The following NUBPL variants were observed in gnomAD, a reference collection of about 807,000 sequenced individuals.
NUBPL encodes iron-sulfur cluster transfer protein NUBPL.
A neutral mutation model predicts 45.7 loss-of-function variants in NUBPL; 31 were observed. The observed-to-expected ratio is 0.68, with a 90% CI of 0.51 to 0.92. The LOEUF is 0.92. Among genes scored for constraint, NUBPL ranks in the 40% least tolerant of loss-of-function variants. The pLI is 0.00. For missense variants in NUBPL, 401 were observed against 398.7 expected (o/e 1.01, Z -0.05); for synonymous variants, 144 against 140.9 (o/e 1.02, Z -0.15).
chr14:31,576,217 A>G (rs749736276), intron 3 of NUBPL, among the ~76,000 whole-genome samples: 1 of 152,146 alleles, frequency 6.6e-6, no homozygotes, highest in Non-Finnish European at 1.5e-5. Flanking sequence ...AGGTGCTCTG[A>G]TTGGCATGGG....
chr14:31,808,556 A>G (rs552606311), intron 7 of NUBPL, among the ~76,000 whole-genome samples: 5 of 152,198 alleles, frequency 3.3e-5, no homozygotes, highest in African/African-American at 4.8e-5. Flanking sequence ...CAATCATGTC[A>G]TCTGCAAACA....
chr14:31,853,868 C>T (rs374540230), intron 10 of NUBPL, among the ~76,000 whole-genome samples: 53 of 152,238 alleles, frequency 3.5e-4, no homozygotes, highest in African/African-American at 1.1e-3. Context: ...ATAGCATCCC[C>T]GCATGCTGGT....
At chr14:31,726,744 G>A (rs1039535718) in intron 6 of NUBPL, among the ~76,000 whole-genome samples, 6 of 149,064 alleles carry the variant, frequency 4.0e-5, no homozygotes, top group African/African-American at 1.5e-4. Flanking sequence ...TCTGATTTTT[G>A]ATTGATGACT....
At chr14:31,567,704 A>G (rs1055404248) in intron 3 of NUBPL, among the ~76,000 whole-genome samples, 2 of 152,216 alleles carry the variant, frequency 1.3e-5, no homozygotes, top group Non-Finnish European at 2.9e-5. Context: ...ATTGAAATTA[A>G]TAAAAAGTGT....
chr14:31,670,977 A>G (rs1215922988), intron 4 of NUBPL, among the ~76,000 whole-genome samples: 1 of 152,144 alleles, frequency 6.6e-6, no homozygotes, highest in Non-Finnish European at 1.5e-5. Flanking sequence ...TTGCTTATGA[A>G]TTTTAAAATA....
intron 6 of NUBPL, among the ~76,000 whole-genome samples, chr14:31,783,010 A>G (rs896312144): frequency 5.3e-5 from 8 of 152,144 alleles, no homozygotes; most frequent in African/African-American, 1.9e-4. Flanking sequence ...TCACCAAACC[A>G]ATTGGGTCAG....
At chr14:31,711,155 G>A (rs1239373742) in intron 6 of NUBPL, among the ~76,000 whole-genome samples, 1 of 152,158 alleles carries the variant, frequency 6.6e-6, no homozygotes, top group African/African-American at 2.4e-5. Context: ...TGGCCACAGG[G>A]TCAACCAACT....
intron 8 of NUBPL, among the ~76,000 whole-genome samples, chr14:31,830,120 A>G (rs537369574): frequency 2.0e-5 from 3 of 152,180 alleles, no homozygotes; most frequent in Non-Finnish European, 4.4e-5. Flanking sequence ...ATTCCCTGCT[A>G]CTGAAAAGTA....
At chr14:31,754,953 G>T (rs550062294) in intron 6 of NUBPL, among the ~76,000 whole-genome samples, 2 of 148,242 alleles carry the variant, frequency 1.3e-5, no homozygotes, top group Non-Finnish European at 1.5e-5. Context: ...GCAGTGTTCG[G>T]TTTTTTGTCC....
At chr14:31,766,350 T>C (rs903265215) in intron 6 of NUBPL, among the ~76,000 whole-genome samples, 1 of 152,234 alleles carries the variant, frequency 6.6e-6, no homozygotes, top group African/African-American at 2.4e-5. Context: ...CATTTAATTA[T>C]GTGAAAAGCA....
chr14:31,684,232 A>G (rs2036902361), intron 6 of NUBPL, among the ~76,000 whole-genome samples: 1 of 152,212 alleles, frequency 6.6e-6, no homozygotes, highest in African/African-American at 2.4e-5. Flanking sequence ...TGGGGATTAA[A>G]TGAGTTAATA....
chr14:31,748,263 T>A (rs1473712766), intron 6 of NUBPL, among the ~76,000 whole-genome samples: 1 of 152,204 alleles, frequency 6.6e-6, no homozygotes, highest in Non-Finnish European at 1.5e-5. Flanking sequence ...ATGAGAAGAA[T>A]GTGTATTCTG....
intron 4 of NUBPL, among the ~76,000 whole-genome samples, chr14:31,610,338 C>T (rs1171057591): frequency 6.6e-6 from 1 of 151,772 alleles, no homozygotes; most frequent in African/African-American, 2.4e-5. Flanking sequence ...TATACACGTA[C>T]AACCTACCAA....
At chr14:31,598,064 A>G (rs1045043655) in intron 3 of NUBPL, among the ~76,000 whole-genome samples, 1 of 152,106 alleles carries the variant, frequency 6.6e-6, no homozygotes, top group Admixed American at 6.6e-5. Context: ...AAAATCAAGT[A>G]TCCTTCCTAT....
intron 9 of NUBPL, 142 bp downstream of exon 9, chr14:31,846,733 G>C: frequency 7.5e-7 from 1 of 1,333,200 alleles, no homozygotes; most frequent in South Asian, 1.3e-5. Flanking sequence ...GAGGTGGACA[G>C]ATCACGAGGT....
intron 3 of NUBPL, among the ~76,000 whole-genome samples, chr14:31,579,621 A>G (rs560080616): frequency 1.3e-5 from 2 of 152,356 alleles, no homozygotes; most frequent in East Asian, 1.9e-4. Flanking sequence ...GGTGTCAGAC[A>G]TAAAAATTAA....
chr14:31,815,308 A>G (rs1360923752), intron 7 of NUBPL, among the ~76,000 whole-genome samples: 2 of 152,054 alleles, frequency 1.3e-5, no homozygotes, highest in African/African-American at 4.8e-5. Context: ...GCAATTGTGA[A>G]TGGGAGTTCA....
chr14:31,708,318 G>T (rs1329286188), intron 6 of NUBPL, among the ~76,000 whole-genome samples: 1 of 152,180 alleles, frequency 6.6e-6, no homozygotes, highest in African/African-American at 2.4e-5. Context: ...AGGAAAAGTG[G>T]TGGGGTCTTT....
chr14:31,688,438 G>C (rs1016506878), intron 6 of NUBPL, among the ~76,000 whole-genome samples: 1 of 151,844 alleles, frequency 6.6e-6, no homozygotes, highest in African/African-American at 2.4e-5. Context: ...TTAGCCAGGC[G>C]TGGTGGTGGG....
Sources: gnomAD v4.1 joint callset for allele counts (sites outside exome capture counted in the v4.1 genomes callset) on GRCh38, gnomAD v4.1.1 for gene constraint, MANE v1.5 for transcripts, NCBI Gene and HGNC (gene_info 2026-07-23, HGNC 2026-07-21) for gene names.